DYNC1I2: variants seen among roughly 807,000 people sequenced by gnomAD.
DYNC1I2 encodes dynein cytoplasmic 1 intermediate chain 2.
DYNC1I2 carries 53 observed loss-of-function variants against 88.6 expected under a neutral mutation model. The observed-to-expected ratio is 0.60, with a 90% CI of 0.48 to 0.75. The LOEUF (loss-of-function observed/expected upper bound fraction) is 0.75. Ranked by LOEUF, DYNC1I2 falls within the 30% of genes least tolerant of loss-of-function variation. The pLI is 0.00. For synonymous variants in DYNC1I2, 198 were observed against 254.6 expected (o/e 0.78, Z 2.12); for missense variants, 458 against 766.6 (o/e 0.60, Z 4.75).
intron 3 of DYNC1I2, among the ~76,000 whole-genome samples, chr2:171,697,861 GAA>G (rs1685902544): frequency 1.8e-5 from 2 of 108,536 alleles, no homozygotes; most frequent in Non-Finnish European, 4.5e-5. Context: ...CTCAAGAAAA[GAA>G]AAGAAAAGAA....
At chr2:171,687,706 C>G (rs1267235468) in intron 1 of DYNC1I2, 79 bp downstream of exon 1, 1 of 152,372 alleles carries the variant, frequency 6.6e-6, no homozygotes, top group African/African-American at 2.4e-5. Flanking sequence ...TCTGGTGAGG[C>G]TATTTGTCCC....
At chr2:171,733,459 C>CTTTT (rs61079902) in intron 15 of DYNC1I2, among the ~76,000 whole-genome samples, 812 of 55,304 alleles carry the variant, frequency 0.015, 70 homozygotes, top group Non-Finnish European at 0.02. Flanking sequence ...TTGCCAGCAT[C>CTTTT]TTTTTTTTTT....
chr2:171,726,975 A>G (rs1438139264), intron 11 of DYNC1I2, 59 bp downstream of exon 11: 12 of 1,464,548 alleles, frequency 8.2e-6, no homozygotes, highest in South Asian at 4.4e-5. Flanking sequence ...ATGAATTAAG[A>G]CAAGTGCCTT....
At chr2:171,695,534 T>C (rs539160816) in intron 3 of DYNC1I2, among the ~76,000 whole-genome samples, 1 of 152,330 alleles carries the variant, frequency 6.6e-6, no homozygotes, top group South Asian at 2.1e-4. Context: ...TGTTGCTATA[T>C]ACGTATTTAG....
chr2:171,731,760 G>A (rs1414089935), intron 15 of DYNC1I2, among the ~76,000 whole-genome samples: 4 of 151,946 alleles, frequency 2.6e-5, no homozygotes, highest in African/African-American at 9.7e-5. Flanking sequence ...TCCATGGTGG[G>A]TTCTTGTCTT....
At chr2:171,717,509 G>A (rs1687592849) in intron 7 of DYNC1I2, among the ~76,000 whole-genome samples, 1 of 151,964 alleles carries the variant, frequency 6.6e-6, no homozygotes, top group Non-Finnish European at 1.5e-5. Context: ...ATCTTTTGTA[G>A]ATGCAAGATC....
chr2:171,716,393 G>A (rs1487296897), intron 7 of DYNC1I2, among the ~76,000 whole-genome samples: 2 of 152,012 alleles, frequency 1.3e-5, no homozygotes, highest in Non-Finnish European at 2.9e-5. Context: ...TTTTAGAGCT[G>A]TTAACAATTT....
At chr2:171,700,033 A>G (rs905872290) in intron 3 of DYNC1I2, among the ~76,000 whole-genome samples, 1 of 152,128 alleles carries the variant, frequency 6.6e-6, no homozygotes, top group African/African-American at 2.4e-5. Flanking sequence ...ATTTGGTAGC[A>G]GCTTAGCTAG....
In DYNC1I2 at chr2:171,688,887, A is replaced by G. The variant is rs143245653; in HGVS notation, c.-10+1260A>G. 3.0e-3 allele frequency among the ~76,000 whole-genome samples: 464 copies of G among 152,302 alleles called. 1 individual carries two copies. The highest frequency in any genetic ancestry group is 0.01 in the African/African-American group (428 of 41,586). On this transcript the variant is annotated intron_variant, in intron 1 of 17. Transcript: ENST00000397119. ...TCTCCTAGTTTTCTTGATCTAAAGC[A>G]TTTAATACTTCACTTGTACAGAGAC...
chr2:171,720,955 G>A (rs142992252), intron 7 of DYNC1I2, among the ~76,000 whole-genome samples: 1 of 151,218 alleles, frequency 6.6e-6, no homozygotes, highest in Admixed American at 6.6e-5. Flanking sequence ...CCTATGTAAG[G>A]GTGCTAATAC....
At chr2:171,728,030 A>G (rs1174489551) in intron 12 of DYNC1I2, 63 bp downstream of exon 12, 3 of 1,519,090 alleles carry the variant, frequency 2.0e-6, no homozygotes, top group Admixed American at 2.1e-5. Context: ...TATAATACTT[A>G]GTAGTGGCCA....
intron 5 of DYNC1I2, among the ~76,000 whole-genome samples, chr2:171,709,256 G>A (rs1434618388): frequency 6.6e-6 from 1 of 152,092 alleles, no homozygotes; most frequent in Non-Finnish European, 1.5e-5. Flanking sequence ...TGACACTTAA[G>A]TTTTTTAAAT....
At chr2:171,712,450 T>G (rs1469042014) in intron 5 of DYNC1I2, 1 of 228,110 alleles carries the variant, frequency 4.4e-6, no homozygotes, top group Non-Finnish European at 8.5e-6. Context: ...ACTTGGGTTG[T>G]CTGACTTTAG....
intron 6 of DYNC1I2, among the ~76,000 whole-genome samples, chr2:171,713,939 A>G (rs945716260): frequency 2.0e-5 from 3 of 152,220 alleles, no homozygotes; most frequent in East Asian, 1.9e-4. Context: ...ACCTCCTCCT[A>G]TAAAATCTTG....
intron 2 of DYNC1I2, among the ~76,000 whole-genome samples, chr2:171,691,955 C>A (rs1685431939): frequency 6.6e-6 from 1 of 152,066 alleles, no homozygotes; most frequent in African/African-American, 2.4e-5. Flanking sequence ...ATATTACAAC[C>A]TGTTTTGTTA....
intron 17 of DYNC1I2, among the ~76,000 whole-genome samples, chr2:171,746,945 G>A (rs1689824355): frequency 6.6e-6 from 1 of 152,068 alleles, no homozygotes; most frequent in South Asian, 2.1e-4. Flanking sequence ...TGTAATCCCA[G>A]CACTTTGGGA....
At chr2:171,730,703 G>T (rs1354762564) in intron 15 of DYNC1I2, among the ~76,000 whole-genome samples, 1 of 150,392 alleles carries the variant, frequency 6.6e-6, no homozygotes, top group East Asian at 1.9e-4. Context: ...ATTCTAAGGT[G>T]TTTTTTTTTC....
chr2:171,735,364 T>TTCAAAG (rs879648897), intron 15 of DYNC1I2, among the ~76,000 whole-genome samples: 5 of 152,164 alleles, frequency 3.3e-5, no homozygotes, highest in Non-Finnish European at 7.4e-5. Context: ...AATCTGAAAA[T>TTCAAAG]TCAAAGTCTG....
chr2:171,729,936 C>T (rs964843414), intron 15 of DYNC1I2, 83 bp downstream of exon 15: 7 of 1,474,660 alleles, frequency 4.7e-6, no homozygotes, highest in Non-Finnish European at 5.6e-6. Flanking sequence ...ATGATGAAAA[C>T]CTTTTAAATC....
Sources: allele counts gnomAD v4.1 joint callset (sites outside exome capture counted in the v4.1 genomes callset), GRCh38; gene constraint gnomAD v4.1.1; transcripts MANE v1.5; gene names NCBI Gene and HGNC (gene_info 2026-07-23, HGNC 2026-07-21).